The following ST8SIA1 variants were observed in gnomAD, a reference collection of about 807,000 sequenced individuals.
The protein encoded by ST8SIA1 is alpha-N-acetylneuraminide alpha-2,8-sialyltransferase.
In ST8SIA1, 16 loss-of-function variants were observed where a neutral mutation model predicts 35.9. The observed-to-expected ratio is 0.45, with a 90% CI of 0.30 to 0.68. The LOEUF is 0.68. Ranked by LOEUF, ST8SIA1 falls within the 30% of genes least tolerant of loss-of-function variation. The pLI, the probability that ST8SIA1 is intolerant of heterozygous loss-of-function variation, is 0.09. For missense variants in ST8SIA1, 383 were observed against 453.6 expected, an observed-to-expected ratio of 0.84 and a Z score of 1.41; for synonymous variants, 170 against 169.6, an observed-to-expected ratio of 1.00 and a Z score of -0.02.
intron 3 of ST8SIA1, 35 bp downstream of exon 3, chr12:22,255,245 A>G (rs1172314206): frequency 3.2e-6 from 5 of 1,565,262 alleles, no homozygotes; most frequent in Non-Finnish European, 4.4e-6. Context: ...AAAAGGAGAG[A>G]AGGCAGAGGC....
At chr12:22,307,017 A>G (rs1455211005) in intron 1 of ST8SIA1, among the ~76,000 whole-genome samples, 1 of 152,146 alleles carries the variant, frequency 6.6e-6, no homozygotes, top group Non-Finnish European at 1.5e-5. Context: ...TGAAAGCAGT[A>G]TATTTTCTTT....
chr12:22,226,920 C>T (rs1865365695), intron 4 of ST8SIA1, among the ~76,000 whole-genome samples: 1 of 151,894 alleles, frequency 6.6e-6, no homozygotes, highest in African/African-American at 2.4e-5. Context: ...GCGTGTTTTT[C>T]CTCTGAGTCT....
At position 22,201,791 on chromosome 12, in the gene ST8SIA1, A is replaced by G; in HGVS notation, c.832T>C (p.Phe278Leu). 6.2e-7 allele frequency: 1 copy of G among 1,614,146 alleles called. No homozygotes were observed. The highest frequency in any genetic ancestry group is 8.5e-7 in the Non-Finnish European group (1 of 1,179,994). The change falls in exon 5 of 5, where the codon TTT (phenylalanine) becomes CTT (leucine). Residue 278 changes from phenylalanine to leucine, a missense_variant. By Grantham distance (22) the Phe-to-Leu change is conservative (BLOSUM62 0). Transcript: ENST00000396037. ...IHAKRLSTGLFLVSAALGLCE... is the reference protein window; with the variant it reads ...IHAKRLSTGLLLVSAALGLCE... ...AGACCCAGAGCTGCGCTCACCAGAA[A>G]AAGTCCTGTGGACAGGCGCTTGGCA...
intron 4 of ST8SIA1, among the ~76,000 whole-genome samples, chr12:22,241,416 TTGCTCC>T (rs897093191): frequency 1.6e-4 from 25 of 152,188 alleles, no homozygotes; most frequent in East Asian, 5.8e-4. Context: ...TCGCTGTCTC[TTGCTCC>T]TGCTCCTGCT....
At chr12:22,242,888 C>G (rs1040200532) in intron 4 of ST8SIA1, among the ~76,000 whole-genome samples, 13 of 152,096 alleles carry the variant, frequency 8.5e-5, no homozygotes, top group African/African-American at 2.9e-4. Flanking sequence ...GACTGCAAAG[C>G]CCTTTCTAAT....
chr12:22,231,698 C>G (rs981098117), intron 4 of ST8SIA1, among the ~76,000 whole-genome samples: 1 of 151,970 alleles, frequency 6.6e-6, no homozygotes. Context: ...CTCAGCCCCC[C>G]GAGTAGCTGG....
intron 4 of ST8SIA1, among the ~76,000 whole-genome samples, chr12:22,242,308 T>C (rs1223115493): frequency 1.3e-5 from 2 of 152,222 alleles, no homozygotes; most frequent in Non-Finnish European, 1.5e-5. Context: ...TATTGGGTTA[T>C]ACTGTAACAC....
chr12:22,255,050 G>T (rs1390224113), intron 3 of ST8SIA1, among the ~76,000 whole-genome samples: 1 of 152,118 alleles, frequency 6.6e-6, no homozygotes, highest in African/African-American at 2.4e-5. Flanking sequence ...AGCAGAGTGG[G>T]TATCTCTGTT....
At chr12:22,314,873 A>G (rs1207952574) in intron 1 of ST8SIA1, among the ~76,000 whole-genome samples, 5 of 152,160 alleles carry the variant, frequency 3.3e-5, no homozygotes, top group Admixed American at 1.3e-4. Context: ...CTCAAACTCC[A>G]ACTGAAGCTC....
intron 1 of ST8SIA1, among the ~76,000 whole-genome samples, chr12:22,326,641 T>C (rs893539203): frequency 3.9e-5 from 6 of 152,220 alleles, no homozygotes; most frequent in African/African-American, 1.4e-4. Context: ...GGGAACAAAC[T>C]TCCTATCATC....
chr12:22,215,781 T>A (rs748811951), intron 4 of ST8SIA1, among the ~76,000 whole-genome samples: 12 of 152,222 alleles, frequency 7.9e-5, no homozygotes, highest in Non-Finnish European at 1.2e-4. Flanking sequence ...TTTCATAGCA[T>A]CTCTTAAGTT....
At chr12:22,242,732 G>A (rs1244205691) in intron 4 of ST8SIA1, among the ~76,000 whole-genome samples, 1 of 152,174 alleles carries the variant, frequency 6.6e-6, no homozygotes, top group Non-Finnish European at 1.5e-5. Flanking sequence ...TTGATGAAGG[G>A]TAATGATATG....
chr12:22,201,817 T>C lies in ST8SIA1; in HGVS notation c.806A>G (p.His269Arg), dbSNP rs1015090103. ...AAGTCCTGTGGACAGGCGCTTGGCA[T>C]GGATTCCTCTACTTTTCCAGAACTT... ...IGKFWKSRGI[H>R]AKRLSTGLFL... The change falls in exon 5 of 5, where the codon CAT becomes CGT. Residue 269 changes from histidine (H) to arginine (R), a missense_variant. By Grantham distance (29) the His-to-Arg change is conservative (BLOSUM62 0). Coordinates refer to ENST00000396037, the MANE Select transcript of ST8SIA1 (RefSeq NM_003034.4). 2 of 1,614,174 alleles carry C rather than the reference T, an allele frequency of 1.2e-6. No homozygotes were observed. The highest frequency in any genetic ancestry group is 1.3e-5 in the African/African-American group (1 of 75,054).
In ST8SIA1 at chr12:22,225,674, A is replaced by G. The variant is rs76645164; in HGVS notation, c.584+23332T>C. On this transcript the variant is annotated intron_variant, in intron 4 of 4. Coordinates refer to ENST00000396037, the MANE Select transcript of ST8SIA1 (RefSeq NM_003034.4). Reference sequence around the variant, plus strand: ...AGGACAGACCAATTAAGGCAACTCTATAACTGTTACCAATCAAATGTTTTC... The same window carrying G: ...AGGACAGACCAATTAAGGCAACTCTGTAACTGTTACCAATCAAATGTTTTC... Among the ~76,000 whole-genome samples the G allele has an allele frequency of 8.4e-3, 1,276 of 152,308 alleles. 17 individuals are homozygous for G. The highest frequency in any genetic ancestry group is 0.029 in the African/African-American group (1,211 of 41,564).
intron 1 of ST8SIA1, among the ~76,000 whole-genome samples, chr12:22,324,017 GA>G (rs1002171082): frequency 1.4e-5 from 2 of 148,114 alleles, no homozygotes. Context: ...AATACAAGTT[GA>G]AAAAAAAAGA....
At chr12:22,303,948 T>C (rs905350436) in intron 1 of ST8SIA1, among the ~76,000 whole-genome samples, 1 of 152,090 alleles carries the variant, frequency 6.6e-6, no homozygotes, top group Non-Finnish European at 1.5e-5. Context: ...CTTTCATTTT[T>C]GACTACTTAA....
chr12:22,249,511 C>T (rs1344135004), intron 3 of ST8SIA1, among the ~76,000 whole-genome samples: 1 of 152,082 alleles, frequency 6.6e-6, no homozygotes, highest in Non-Finnish European at 1.5e-5. Context: ...TGAGCCACTG[C>T]ACCCAGCCAG....
intron 4 of ST8SIA1, chr12:22,223,752 C>A (rs1865327155): frequency 8.0e-7 from 1 of 1,253,152 alleles, no homozygotes; most frequent in Non-Finnish European, 1.0e-6. Context: ...ATTTCTTCAC[C>A]CTCTCGACAG....
chr12:22,209,353 A>G (rs1865151125), intron 4 of ST8SIA1, among the ~76,000 whole-genome samples: 1 of 152,214 alleles, frequency 6.6e-6, no homozygotes, highest in Non-Finnish European at 1.5e-5. Context: ...TAGAACTGCC[A>G]AATCCGAGAT....
Sources: gnomAD v4.1 joint callset for allele counts (sites outside exome capture counted in the v4.1 genomes callset) on GRCh38, gnomAD v4.1.1 for gene constraint, MANE v1.5 for transcripts, NCBI Gene and HGNC (gene_info 2026-07-23, HGNC 2026-07-21) for gene names.